The following MPC1 variants were observed in gnomAD, a reference collection of about 807,000 sequenced individuals.
MPC1 encodes HSPC040 protein.
In MPC1, 6 loss-of-function variants were observed where a neutral mutation model predicts 13.9. The ratio of observed to expected loss-of-function variants is 0.43; its 90% confidence interval spans 0.24 to 0.85. The LOEUF is 0.85. MPC1 is among the 40% of genes least tolerant of loss of function. The probability of loss-of-function intolerance (pLI) is 0.24; values close to 1 mark genes in which losing one functional copy is unlikely to be tolerated. For missense variants in MPC1, 115 were observed against 143.3 expected (o/e 0.80, Z 1.01); for synonymous variants, 47 against 50.5 (o/e 0.93, Z 0.29).
At chr6:166,374,699 T>G (rs1323490439) in intron 1 of MPC1, among the ~76,000 whole-genome samples, 4 of 152,340 alleles carry the variant, frequency 2.6e-5, no homozygotes, top group South Asian at 4.1e-4. Context: ...TACTACATTG[T>G]TTTGCCTTTG....
intron 2 of MPC1, among the ~76,000 whole-genome samples, chr6:166,368,112 T>TCTGGG (rs1202757308): frequency 9.9e-5 from 15 of 152,214 alleles, no homozygotes; most frequent in African/African-American, 3.6e-4. Context: ...ATCTTGAGAT[T>TCTGGG]CTGGGCTGGC....
chr6:166,376,365 G>A (rs995767969), intron 1 of MPC1, among the ~76,000 whole-genome samples: 2 of 152,170 alleles, frequency 1.3e-5, no homozygotes, highest in African/African-American at 4.8e-5. Context: ...GACCACTGGT[G>A]TAAATCCTAG....
At chr6:166,380,723 TG>T (rs1779736908) in intron 1 of MPC1, among the ~76,000 whole-genome samples, 1 of 152,098 alleles carries the variant, frequency 6.6e-6, no homozygotes, top group African/African-American at 2.4e-5. Flanking sequence ...GCGGATCACC[TG>T]AAGTCGGGAG....
chr6:166,380,669 T>C (rs1361480005), intron 1 of MPC1, among the ~76,000 whole-genome samples: 3 of 152,122 alleles, frequency 2.0e-5, no homozygotes, highest in Non-Finnish European at 4.4e-5. Context: ...CCGGGCATGG[T>C]GGCTCACACC....
At chr6:166,377,283 G>A (rs969646523) in intron 1 of MPC1, among the ~76,000 whole-genome samples, 4 of 151,930 alleles carry the variant, frequency 2.6e-5, no homozygotes, top group Non-Finnish European at 4.4e-5. Flanking sequence ...GAGCTGATGT[G>A]GGCACTGGGC....
intron 1 of MPC1, among the ~76,000 whole-genome samples, chr6:166,379,299 G>A (rs1034156316): frequency 1.3e-5 from 2 of 152,186 alleles, no homozygotes; most frequent in Non-Finnish European, 2.9e-5. Flanking sequence ...TTCAAGGACA[G>A]CCTGGGCAAC....
At chr6:166,370,365 T>C (rs1277207480) in intron 1 of MPC1, 144 bp from the exon 2 acceptor site, 3 of 577,024 alleles carry the variant, frequency 5.2e-6, no homozygotes, top group Non-Finnish European at 9.2e-6. Flanking sequence ...ACGTTAACAG[T>C]GTACATTCTT....
rs1779327108 is a variant in MPC1, at chr6:166,370,240, C to G, written c.72-19G>C. On this transcript the variant is annotated intron_variant, in intron 1 of 4. Transcript: ENST00000360961. Reference sequence around the variant, plus strand: ...TACCGTACTATTTTGTGAAGAGTCACCGAAGTTCAGACAGGACAGACATGG... The same window carrying G: ...TACCGTACTATTTTGTGAAGAGTCAGCGAAGTTCAGACAGGACAGACATGG... 1.3e-6 allele frequency: 1 copy of G among 773,122 alleles called. No individual in the cohort carries two copies. The highest frequency in any genetic ancestry group is 1.7e-5 in the Admixed American group (1 of 58,230). The allele number at this position is 773,122 out of a possible 1,614,324, so 47.9% of individuals were successfully genotyped here. A position where few individuals can be genotyped will look rare whatever the true frequency, so the allele number is the denominator to read the frequency against.
Position 166,365,523 on chromosome 6 carries a change from G to T in MPC1, c.306-70C>A. 7.5e-7 allele frequency: 1 copy of T among 1,330,182 alleles called. No homozygotes were observed. The highest frequency in any genetic ancestry group is 1.0e-6 in the Non-Finnish European group (1 of 978,446). 82.4% of individuals were successfully genotyped at this position (1,330,182 alleles called of 1,614,324 possible). Reference sequence around the variant, plus strand: ...AATGCCAATCGCAAGGGCTTTGGATGGCTTTTAAAAGACACCTTTACATAA... The same window carrying T: ...AATGCCAATCGCAAGGGCTTTGGATTGCTTTTAAAAGACACCTTTACATAA... On this transcript the variant is annotated intron_variant, in intron 4 of 4. Transcript: ENST00000360961. The surrounding 1 kb of genome is among the most constrained non-coding windows in gnomAD (Gnocchi z 4.2).
At chr6:166,367,393 A>G (rs1779202226) in intron 2 of MPC1, among the ~76,000 whole-genome samples, 1 of 152,232 alleles carries the variant, frequency 6.6e-6, no homozygotes, top group Non-Finnish European at 1.5e-5. Flanking sequence ...GAAGCTTAAT[A>G]AGAGAATAAA....
At chr6:166,377,692 T>C (rs1441791681) in intron 1 of MPC1, among the ~76,000 whole-genome samples, 2 of 152,214 alleles carry the variant, frequency 1.3e-5, no homozygotes, top group African/African-American at 4.8e-5. Flanking sequence ...CTAGTTCAAA[T>C]TAAAATGAGG....
chr6:166,376,070 A>C (rs572737455), intron 1 of MPC1, among the ~76,000 whole-genome samples: 1 of 152,330 alleles, frequency 6.6e-6, no homozygotes, highest in East Asian at 1.9e-4. Flanking sequence ...TGGTGCATAC[A>C]CATTAAAGAT....
chr6:166,371,468 G>C (rs1779377120), intron 1 of MPC1, among the ~76,000 whole-genome samples: 2 of 152,238 alleles, frequency 1.3e-5, no homozygotes, highest in South Asian at 4.1e-4. Context: ...TCAAAGTTGA[G>C]CTACTGAAAG....
chr6:166,380,112 A>C (rs1238036606), intron 1 of MPC1, among the ~76,000 whole-genome samples: 1 of 152,268 alleles, frequency 6.6e-6, no homozygotes, highest in Non-Finnish European at 1.5e-5. Context: ...TCAAGATCAT[A>C]GAGCTTTATA....
intron 1 of MPC1, chr6:166,381,918 C>G: frequency 1.4e-6 from 1 of 695,944 alleles, no homozygotes; most frequent in Non-Finnish European, 1.8e-6. Context: ...TTTATTTCCG[C>G]TGTCCCAGAA....
At chr6:166,375,674 T>A (rs990650664) in intron 1 of MPC1, among the ~76,000 whole-genome samples, 2 of 152,248 alleles carry the variant, frequency 1.3e-5, no homozygotes, top group African/African-American at 4.8e-5. Context: ...TATTTAGAAG[T>A]GTGCTGTTTA....
chr6:166,369,251 A>C (rs1027436327), intron 2 of MPC1, among the ~76,000 whole-genome samples: 7 of 152,074 alleles, frequency 4.6e-5, no homozygotes, highest in African/African-American at 1.7e-4. Context: ...AAAATACACA[A>C]ATTAGCTGGG....
intron 2 of MPC1, among the ~76,000 whole-genome samples, chr6:166,368,317 G>A (rs1339852502): frequency 2.6e-5 from 4 of 152,266 alleles, no homozygotes; most frequent in East Asian, 3.9e-4. Context: ...CAGCACTTTC[G>A]GAGGCTGAGG....
In MPC1 at chr6:166,366,103, A is replaced by G; in HGVS notation, c.176T>C (p.Leu59Pro). Reference protein sequence around the residue: ...EIISGRMTFALCCYSLTFMRF... With the variant: ...EIISGRMTFAPCCYSLTFMRF... ...CATGAATGTCAAAGAATAGCAACAG[A>G]GGGCTGCCAAAAATAGCAGAGCAAA... Residue 59 changes from leucine (L) to proline (P), a missense_variant, in exon 4 of 5, where the codon CTC becomes CCC. Coordinates refer to ENST00000360961, the MANE Select transcript of MPC1 (RefSeq NM_016098.4). 1.9e-6 allele frequency: 3 copies of G among 1,613,564 alleles called. No individual in the cohort carries two copies. The highest frequency in any genetic ancestry group is 2.5e-6 in the Non-Finnish European group (3 of 1,179,658).
Sources: gnomAD v4.1 joint callset for allele counts (sites outside exome capture counted in the v4.1 genomes callset) on GRCh38, gnomAD v4.1.1 for gene constraint, Gnocchi (gnomAD v3.1) non-coding constraint, MANE v1.5 for transcripts, NCBI Gene and HGNC (gene_info 2026-07-23, HGNC 2026-07-21) for gene names.